Variants in RBFOX1 observed in about 807,000 individuals in gnomAD.
RBFOX1 encodes the protein RNA binding protein fox-1 homolog 1.
Under a neutral mutation model 57.7 loss-of-function variants are expected in RBFOX1, and 8 were observed. The observed-to-expected ratio is 0.14, with a 90% CI of 0.08 to 0.25. The LOEUF is 0.25. Among genes scored for constraint, RBFOX1 ranks in the 10% least tolerant of loss-of-function variants. RBFOX1 has a pLI of 1.00. For missense variants in RBFOX1, 611 were observed against 548.5 expected, an observed-to-expected ratio of 1.11 and a Z score of -1.14; for synonymous variants, 326 against 222.4, an observed-to-expected ratio of 1.47 and a Z score of -4.15.
chr16:6,502,269 A>C (rs1377733959), intron 2 of RBFOX1, among the ~76,000 whole-genome samples: 1 of 152,106 alleles, frequency 6.6e-6, no homozygotes, highest in Non-Finnish European at 1.5e-5. Flanking sequence ...GGCCCCAGAG[A>C]AAGTTGACAT....
At chr16:5,981,271 T>C (rs1235998734) in intron 4 of RBFOX1, among the ~76,000 whole-genome samples, 1 of 152,166 alleles carries the variant, frequency 6.6e-6, no homozygotes, top group Non-Finnish European at 1.5e-5. Flanking sequence ...GCTGGATCTT[T>C]GGGGTATTAT....
At chr16:6,055,125 C>G (rs2095599240) in intron 1 of RBFOX1, among the ~76,000 whole-genome samples, 1 of 152,002 alleles carries the variant, frequency 6.6e-6, no homozygotes, top group Non-Finnish European at 1.5e-5. Context: ...TTTTGGGATG[C>G]AAAACTTATC....
At chr16:6,173,604 CTTT>C (rs35528338) in intron 1 of RBFOX1, among the ~76,000 whole-genome samples, 9 of 70,946 alleles carry the variant, frequency 1.3e-4, no homozygotes, top group Non-Finnish European at 1.7e-4. Context: ...TGACCACTCC[CTTT>C]TTTTTTTTTT....
intron 3 of RBFOX1, among the ~76,000 whole-genome samples, chr16:5,747,397 A>C (rs1452602774): frequency 6.6e-6 from 1 of 152,240 alleles, no homozygotes; most frequent in Non-Finnish European, 1.5e-5. Context: ...CGCTGGCCTC[A>C]TAAAATGAGT....
At chr16:6,119,544 C>G (rs188701041) in intron 1 of RBFOX1, among the ~76,000 whole-genome samples, 1 of 152,290 alleles carries the variant, frequency 6.6e-6, no homozygotes, top group South Asian at 2.1e-4. Context: ...CTCTCATGCC[C>G]TGTACATGTA....
chr16:5,796,715 G>T (rs1332937808), intron 3 of RBFOX1, among the ~76,000 whole-genome samples: 2 of 152,188 alleles, frequency 1.3e-5, no homozygotes, highest in East Asian at 1.9e-4. Context: ...GCACAGAGAG[G>T]ACAAGTAATT....
chr16:7,199,479 G>T (rs1040719125), intron 4 of RBFOX1, among the ~76,000 whole-genome samples: 2 of 152,174 alleles, frequency 1.3e-5, no homozygotes, highest in Non-Finnish European at 1.5e-5. Context: ...ACGCCTGAAG[G>T]TTTGGAAGTT....
At chr16:6,697,194 A>T (rs1241516467) in intron 3 of RBFOX1, among the ~76,000 whole-genome samples, 2 of 152,208 alleles carry the variant, frequency 1.3e-5, no homozygotes, top group South Asian at 4.1e-4. Context: ...ATATATTATA[A>T]TATGTATATA....
chr16:5,430,774 C>A (rs766828536), intron 1 of RBFOX1, among the ~76,000 whole-genome samples: 1 of 152,196 alleles, frequency 6.6e-6, no homozygotes, highest in African/African-American at 2.4e-5. Flanking sequence ...TTTGCAATAG[C>A]CTTTGCAAAA....
At chr16:6,771,462 C>T (rs1279996103) in intron 3 of RBFOX1, among the ~76,000 whole-genome samples, 1 of 152,092 alleles carries the variant, frequency 6.6e-6, no homozygotes, top group East Asian at 1.9e-4. Flanking sequence ...AGATATGATC[C>T]AGATAGCAGA....
intron 3 of RBFOX1, among the ~76,000 whole-genome samples, chr16:6,814,130 A>T (rs1375659000): frequency 6.6e-6 from 1 of 152,204 alleles, no homozygotes; most frequent in South Asian, 2.1e-4. Flanking sequence ...GAGCTTATTT[A>T]AAACTCCTAG....
At chr16:6,016,351 G>C (rs947820658), upstream of RBFOX1, among the ~76,000 whole-genome samples, 6 of 152,178 alleles carry the variant, frequency 3.9e-5, no homozygotes, top group African/African-American at 1.4e-4. Context: ...TCCAGGAAAA[G>C]AGAGTATGTA....
intron 4 of RBFOX1, among the ~76,000 whole-genome samples, chr16:7,217,880 ATGTGTGTGCATGCGTATGTGTGTGCATG>A (rs1484048956): frequency 6.7e-6 from 1 of 149,496 alleles, no homozygotes; most frequent in African/African-American, 2.5e-5. Flanking sequence ...GCGTGTGTGC[ATGTGTGTGCATGCGTATGTGTGTGCATG>A]TGTGTGTGTG....
intron 1 of RBFOX1, among the ~76,000 whole-genome samples, chr16:6,231,528 C>T (rs954331549): frequency 3.9e-5 from 6 of 152,148 alleles, no homozygotes; most frequent in South Asian, 4.1e-4. Context: ...TTGGCATTAA[C>T]GCTAATTTAC....
intron 9 of RBFOX1, among the ~76,000 whole-genome samples, chr16:7,602,066 C>G (rs932930129): frequency 6.6e-6 from 1 of 152,158 alleles, no homozygotes; most frequent in Non-Finnish European, 1.5e-5. Flanking sequence ...CATAAGGGTG[C>G]TCTCTGGAAT....
At chr16:6,945,274 C>G (rs1568011562) in intron 3 of RBFOX1, among the ~76,000 whole-genome samples, 1 of 152,000 alleles carries the variant, frequency 6.6e-6, no homozygotes, top group Admixed American at 6.6e-5. Flanking sequence ...CCTCTGTTAG[C>G]GTGTTATGAT....
At chr16:6,588,770 T>G (rs1011391341) in intron 2 of RBFOX1, among the ~76,000 whole-genome samples, 5 of 152,228 alleles carry the variant, frequency 3.3e-5, no homozygotes, top group African/African-American at 1.2e-4. Flanking sequence ...CAGGACTTAC[T>G]TGATTATTTC....
chr16:5,882,329 C>A (rs1450994404), intron 4 of RBFOX1, among the ~76,000 whole-genome samples: 2 of 152,116 alleles, frequency 1.3e-5, no homozygotes, highest in African/African-American at 4.8e-5. Flanking sequence ...TCATTCAACT[C>A]AAAGATGGAA....
In RBFOX1 at chr16:6,796,113, A is replaced by C. The variant is rs528204929; in HGVS notation, c.-16+141463A>C. On this transcript the variant is annotated intron_variant, in intron 3 of 15. Coordinates refer to ENST00000550418, the MANE Select transcript of RBFOX1 (RefSeq NM_018723.4). Reference sequence around the variant, plus strand: ...ATTTCCACGTGGCTGGGGAGGCCTCACAGTCATGGCGGAAGGTGAAAGGTA... The same window carrying C: ...ATTTCCACGTGGCTGGGGAGGCCTCCCAGTCATGGCGGAAGGTGAAAGGTA... Among the ~76,000 whole-genome samples the C allele has an allele frequency of 1.1e-4, 17 of 150,770 alleles. No homozygotes were observed. The South Asian group carries it at 2.9e-3, about 26-fold the overall frequency.
Sources: gnomAD v4.1 joint callset for allele counts (sites outside exome capture counted in the v4.1 genomes callset) on GRCh38, gnomAD v4.1.1 for gene constraint, MANE v1.5 for transcripts, NCBI Gene and HGNC (gene_info 2026-07-23, HGNC 2026-07-21) for gene names.